XKR6: variants seen among roughly 807,000 people sequenced by gnomAD.
The protein encoded by XKR6 is XK related 6, also known as XK-related protein 6.
Under a neutral mutation model 56.7 loss-of-function variants are expected in XKR6, and 22 were observed. That is an observed-to-expected ratio of 0.39 (90% confidence interval 0.28 to 0.55). XKR6 has a LOEUF of 0.55. Ranked by LOEUF, XKR6 falls within the 20% of genes least tolerant of loss-of-function variation. The pLI, the probability that XKR6 is intolerant of heterozygous loss-of-function variation, is 0.66. For synonymous variants in XKR6, 524 were observed against 387.8 expected (o/e 1.35, Z -4.13); for missense variants, 852 against 889.0 (o/e 0.96, Z 0.53).
Position 11,151,575 on chromosome 8 carries a change from G to A in XKR6, c.764+49001C>T, listed in dbSNP as rs559113823. ...TCCCTAAAAGCTCATGCTAAACCACGCAGCACTGATAGCAGAAGCAACGGC... is the reference window on the plus strand; with the variant it reads ...TCCCTAAAAGCTCATGCTAAACCACACAGCACTGATAGCAGAAGCAACGGC... On this transcript the variant is annotated intron_variant, in intron 1 of 2. Coordinates refer to ENST00000416569, the MANE Select transcript of XKR6 (RefSeq NM_173683.4). Among the ~76,000 whole-genome samples, 124 of 152,220 alleles carry A rather than the reference G, an allele frequency of 8.1e-4. 1 individual carries two copies. The highest frequency in any genetic ancestry group is 2.1e-4 in the South Asian group (1 of 4,820).
intron 1 of XKR6, among the ~76,000 whole-genome samples, chr8:11,126,887 C>G (rs1371304483): frequency 6.6e-6 from 1 of 152,126 alleles, no homozygotes; most frequent in Non-Finnish European, 1.5e-5. Flanking sequence ...CCAAAGGGAC[C>G]CAGATGATGA....
rs560348413 is a variant in XKR6 at position 11,153,391 on chromosome 8, G to A, written c.764+47185C>T. ...AAAATGTGAGCAGTATCAATAGGTT[G>A]GATAACTTTAGCCCCAAAAACTCTA... On this transcript the variant is annotated intron_variant, in intron 1 of 2. Transcript: ENST00000416569. Among the ~76,000 whole-genome samples, 3 of 152,256 alleles carry A rather than the reference G, an allele frequency of 2.0e-5. No homozygotes were observed. The South Asian group carries it at 6.2e-4, about 32-fold the overall frequency.
chr8:10,975,455 G>A (rs928024431), intron 1 of XKR6, among the ~76,000 whole-genome samples: 9 of 152,236 alleles, frequency 5.9e-5, no homozygotes, highest in Admixed American at 2.6e-4. Flanking sequence ...TTGGTCCTCC[G>A]AGCTAGCCAG....
chr8:10,948,050 C>A (rs1259353743), intron 1 of XKR6, among the ~76,000 whole-genome samples: 1 of 152,104 alleles, frequency 6.6e-6, no homozygotes, highest in African/African-American at 2.4e-5. Flanking sequence ...AGAACAGCCA[C>A]CTTTCCCTCA....
chr8:11,007,876 A>G (rs1404409401), intron 1 of XKR6, among the ~76,000 whole-genome samples: 2 of 151,916 alleles, frequency 1.3e-5, no homozygotes, highest in Admixed American at 1.3e-4. Flanking sequence ...GGAGTGCACA[A>G]CAAGCAGGCA....
chr8:10,951,720 G>A, intron 1 of XKR6, among the ~76,000 whole-genome samples: 1 of 152,216 alleles, frequency 6.6e-6, no homozygotes, highest in Non-Finnish European at 1.5e-5. Context: ...GTAGGCTGCA[G>A]CACAGCAGGT....
At chr8:11,003,713 G>C (rs143342917) in intron 1 of XKR6, among the ~76,000 whole-genome samples, 1 of 152,318 alleles carries the variant, frequency 6.6e-6, no homozygotes, top group Non-Finnish European at 1.5e-5. Flanking sequence ...AGGTCTTTTG[G>C]ACTACAGACT....
At chr8:11,153,149 A>G (rs557541441) in intron 1 of XKR6, among the ~76,000 whole-genome samples, 1 of 152,362 alleles carries the variant, frequency 6.6e-6, no homozygotes, top group East Asian at 1.9e-4. Flanking sequence ...AACTGAGCCT[A>G]TATAAAAATA....
chr8:11,188,933 T>C (rs1485229646), intron 1 of XKR6, among the ~76,000 whole-genome samples: 1 of 152,100 alleles, frequency 6.6e-6, no homozygotes, highest in African/African-American at 2.4e-5. Flanking sequence ...AGGTATTGAG[T>C]GTGCACAGAT....
intron 1 of XKR6, chr8:11,195,328 T>C (rs993005631): frequency 5.3e-6 from 3 of 568,664 alleles, no homozygotes; most frequent in South Asian, 2.3e-5. Flanking sequence ...TAGAGATTCA[T>C]TTTTTTTTCC....
chr8:10,998,736 G>C (rs1267702288), intron 1 of XKR6, among the ~76,000 whole-genome samples: 1 of 152,164 alleles, frequency 6.6e-6, no homozygotes, highest in African/African-American at 2.4e-5. Flanking sequence ...TGGGCTCTCT[G>C]CAGAGAAGCA....
intron 1 of XKR6, among the ~76,000 whole-genome samples, chr8:10,952,457 T>C (rs981954083): frequency 2.0e-5 from 3 of 152,306 alleles, no homozygotes; most frequent in Middle Eastern, 3.4e-3. Context: ...ATTTGTTTTT[T>C]CTTTTCTTTT....
intron 1 of XKR6, among the ~76,000 whole-genome samples, chr8:11,057,218 C>T (rs1799708133): frequency 6.6e-6 from 1 of 152,188 alleles, no homozygotes; most frequent in Admixed American, 6.5e-5. Flanking sequence ...AAGGAGCCCC[C>T]CTACTCCACA....
chr8:11,155,881 C>T (rs1005325200), intron 1 of XKR6, among the ~76,000 whole-genome samples: 1 of 152,220 alleles, frequency 6.6e-6, no homozygotes, highest in Non-Finnish European at 1.5e-5. Flanking sequence ...ATACAATCCA[C>T]ACAAGCAATT....
At chr8:11,046,263 G>C (rs1157106181) in intron 1 of XKR6, among the ~76,000 whole-genome samples, 7 of 152,082 alleles carry the variant, frequency 4.6e-5, no homozygotes, top group Non-Finnish European at 8.8e-5. Context: ...AGCTGGGCAT[G>C]GTGGCACGTG....
intron 1 of XKR6, among the ~76,000 whole-genome samples, chr8:11,164,522 A>T (rs532496571): frequency 1.3e-5 from 2 of 152,350 alleles, no homozygotes; most frequent in Admixed American, 1.3e-4. Flanking sequence ...GTGAAAATTC[A>T]AGAGGTTCTT....
At chr8:10,967,316 T>C (rs1229712375) in intron 1 of XKR6, among the ~76,000 whole-genome samples, 1 of 152,196 alleles carries the variant, frequency 6.6e-6, no homozygotes, top group African/African-American at 2.4e-5. Context: ...GTTGCTTCAC[T>C]GTAGGGGCGT....
intron 1 of XKR6, among the ~76,000 whole-genome samples, chr8:10,987,654 A>G (rs1797892581): frequency 6.6e-6 from 1 of 152,164 alleles, no homozygotes. Flanking sequence ...CTGTAATCAT[A>G]CCCTGTCTCT....
intron 1 of XKR6, among the ~76,000 whole-genome samples, chr8:10,997,193 A>G (rs73539350): frequency 0.092 from 14,050 of 152,206 alleles, 2,194 homozygotes; most frequent in African/African-American, 0.32. Flanking sequence ...CCCACCTAGC[A>G]AAGACACACA....
Sources: allele counts gnomAD v4.1 joint callset (sites outside exome capture counted in the v4.1 genomes callset), GRCh38; gene constraint gnomAD v4.1.1; transcripts MANE v1.5; gene names NCBI Gene and HGNC (gene_info 2026-07-23, HGNC 2026-07-21).